DOCK5: variants seen among roughly 807,000 people sequenced by gnomAD.
DOCK5 encodes dedicator of cytokinesis protein 5.
A neutral mutation model predicts 251.8 loss-of-function variants in DOCK5; 142 were observed. The ratio of observed to expected loss-of-function variants is 0.56; its 90% confidence interval spans 0.49 to 0.65. The LOEUF is 0.65. Ranked by LOEUF, DOCK5 falls within the 30% of genes least tolerant of loss-of-function variation. The pLI is 0.00. For missense variants in DOCK5, 2,111 were observed against 2,312.3 expected, an observed-to-expected ratio of 0.91 and a Z score of 1.79; for synonymous variants, 842 against 835.5, an observed-to-expected ratio of 1.01 and a Z score of -0.13.
chr8:25,322,268 TATG>T (rs572033042), intron 16 of DOCK5, among the ~76,000 whole-genome samples: 4 of 152,198 alleles, frequency 2.6e-5, no homozygotes, highest in African/African-American at 7.2e-5. Flanking sequence ...TACGGAATAG[TATG>T]ATATGTACAT....
chr8:25,391,095 C>T (rs1013198796), intron 42 of DOCK5, among the ~76,000 whole-genome samples: 8 of 152,098 alleles, frequency 5.3e-5, no homozygotes, highest in Non-Finnish European at 4.4e-5. Context: ...GGCTGGCATG[C>T]AGTGGCACGA....
chr8:25,342,234 G>A (rs1805971175), intron 24 of DOCK5, among the ~76,000 whole-genome samples, 167 bp from the exon 25 acceptor site: 1 of 152,148 alleles, frequency 6.6e-6, no homozygotes. Context: ...TCCAGTAAGT[G>A]AGGATAAAAT....
intron 4 of DOCK5, among the ~76,000 whole-genome samples, chr8:25,277,799 A>G (rs1459271306): frequency 6.6e-6 from 1 of 152,198 alleles, no homozygotes; most frequent in Non-Finnish European, 1.5e-5. Context: ...TTCATGGGTC[A>G]CACTTATTCT....
Position 25,403,548 on chromosome 8 carries a change from A to G in DOCK5, c.4927-10A>G, listed in dbSNP as rs199791620. On this transcript the variant is annotated splice_polypyrimidine_tract_variant and intron_variant, in intron 47 of 51. Transcript: ENST00000276440. Reference sequence around the variant, plus strand: ...AGGTCCGCTAACCATGTGGAGTCATATGTTTTCAGCCACCCAACTTGACGG... The same window carrying G: ...AGGTCCGCTAACCATGTGGAGTCATGTGTTTTCAGCCACCCAACTTGACGG... The G allele has an allele frequency of 1.9e-6, 3 of 1,613,450 alleles. No homozygotes were observed. The highest frequency in any genetic ancestry group is 1.7e-5 in the Admixed American group (1 of 59,974).
At chr8:25,406,892 C>T (rs1322213824) in intron 48 of DOCK5, among the ~76,000 whole-genome samples, 1 of 152,066 alleles carries the variant, frequency 6.6e-6, no homozygotes, top group Non-Finnish European at 1.5e-5. Context: ...TCTCAAAGTG[C>T]TGGGATTACA....
In DOCK5 at chr8:25,290,087, A is replaced by G. The variant is rs1279297213; in HGVS notation, c.322-1937A>G. Among the ~76,000 whole-genome samples, 4 of 152,102 alleles carry G rather than the reference A, an allele frequency of 2.6e-5. No individual in the cohort carries two copies. In the East Asian group the frequency reaches 7.7e-4, roughly 29 times the overall value. On this transcript the variant is annotated intron_variant, in intron 5 of 51. Transcript: ENST00000276440. ...TATTATGATATAATATATGGCGTAT[A>G]TATTTACTTTCTTATTGCTGTCTTA...
At position 25,351,811 on chromosome 8, in the gene DOCK5, G is replaced by A; in HGVS notation, c.2835G>A (p.Arg945=). ...RINRTVIGMN[R]QSPHIGSFVA... is the part of the protein sequence containing the mutation. ...ACCGGACAGTGATTGGGATGAACCGGCAGTCTCCCCACATCGTGAGTATCT... is the reference window on the plus strand; with the variant it reads ...ACCGGACAGTGATTGGGATGAACCGACAGTCTCCCCACATCGTGAGTATCT... The change falls in exon 27 of 52, where the codon CGG becomes CGA. Residue 945 remains arginine, a synonymous_variant. Transcript: ENST00000276440. 6.2e-7 allele frequency: 1 copy of A among 1,613,708 alleles called. No individual in the cohort carries two copies. Among genetic ancestry groups the A allele is most frequent in the East Asian group, 2.2e-5 (1 of 44,866 alleles).
chr8:25,398,693 C>G (rs1190487972), intron 45 of DOCK5, among the ~76,000 whole-genome samples: 1 of 152,154 alleles, frequency 6.6e-6, no homozygotes, highest in Non-Finnish European at 1.5e-5. Context: ...ATAATGTTCT[C>G]CCAGTGTTTG....
At chr8:25,359,919 G>A (rs188498074) in intron 28 of DOCK5, among the ~76,000 whole-genome samples, 135 of 152,350 alleles carry the variant, frequency 8.9e-4, no homozygotes, top group Non-Finnish European at 1.3e-3. Context: ...TTAGGCCTCC[G>A]GCTGTGGCTT....
chr8:25,389,372 C>T (rs1205182269), intron 41 of DOCK5, 140 bp downstream of exon 41: 4 of 1,154,764 alleles, frequency 3.5e-6, no homozygotes, highest in Non-Finnish European at 4.8e-6. Context: ...GTTCCCATTC[C>T]ATGTAAAATC....
chr8:25,309,651 G>A (rs1013453410), intron 12 of DOCK5, among the ~76,000 whole-genome samples: 5 of 152,088 alleles, frequency 3.3e-5, no homozygotes, highest in African/African-American at 2.4e-5. Context: ...GTAGTTTTTA[G>A]TATCTCCATA....
At position 25,210,047 on chromosome 8, in the gene DOCK5, T is replaced by TATATATATAA. The variant is rs1563309199; in HGVS notation, c.43+25096_43+25097insATATATATAA. Among the ~76,000 whole-genome samples the TATATATATAA allele has an allele frequency of 8.0e-5, 2 of 25,114 alleles. 1 individual carries two copies. The highest frequency in any genetic ancestry group is 2.9e-4 in the African/African-American group (2 of 6,934). 16.5% of individuals were successfully genotyped at this position (25,114 alleles called of 152,430 possible). A position where few individuals can be genotyped will look rare whatever the true frequency, so the allele number is the denominator to read the frequency against. On this transcript the variant is annotated intron_variant, in intron 1 of 51. Transcript: ENST00000276440. ...ATATATATATATAAATGTGTGTGTG[T>TATATATATAA]GTGTGTGTGTGTGTGTGTGTGTATC...
chr8:25,217,926 A>T (rs930630019), intron 1 of DOCK5, among the ~76,000 whole-genome samples: 1 of 152,328 alleles, frequency 6.6e-6, no homozygotes, highest in East Asian at 1.9e-4. Context: ...ATTACCTTTT[A>T]TTCAAAGGGA....
intron 10 of DOCK5, 86 bp downstream of exon 10, chr8:25,302,540 A>C (rs1446199776): frequency 2.5e-5 from 35 of 1,408,250 alleles, no homozygotes; most frequent in Non-Finnish European, 3.2e-5. Context: ...TAAACATGGA[A>C]CTAGCAAATG....
In DOCK5 at chr8:25,246,908, A is replaced by G. The variant is rs371341723; in HGVS notation, c.127+3151A>G. Among the ~76,000 whole-genome samples, 7 of 151,532 alleles carry G rather than the reference A, an allele frequency of 4.6e-5. No individual in the cohort carries two copies. The South Asian group carries it at 1.5e-3, about 32-fold the overall frequency. On this transcript the variant is annotated intron_variant, in intron 2 of 51. Transcript: ENST00000276440. ...GTTTTTTGTTTTTTTTTTCTTTGAG[A>G]CAGGGCCTTGCTCTGTCACCCTAGC... is the stretch of plus-strand genomic sequence containing the variant.
chr8:25,204,164 G>A (rs1045174641), intron 1 of DOCK5, among the ~76,000 whole-genome samples: 3 of 152,130 alleles, frequency 2.0e-5, no homozygotes, highest in Non-Finnish European at 4.4e-5. Context: ...GTGTTTGGAT[G>A]AATTATAGAC....
intron 20 of DOCK5, among the ~76,000 whole-genome samples, chr8:25,333,082 A>AT (rs1805718945): frequency 1.3e-5 from 2 of 152,234 alleles, no homozygotes; most frequent in African/African-American, 4.8e-5. Context: ...TCTGAGCCTC[A>AT]TTAGGCAGAA....
rs1804155691 is a variant in DOCK5 at position 25,280,260 on chromosome 8, C to T, written c.321+1595C>T. ...GACCAGACTTGATGGCCTGGGAACC[C>T]TCCTCTTTTCTTTATGTGGCTTTGT... is the stretch of plus-strand genomic sequence containing the variant. On this transcript the variant is annotated intron_variant, in intron 5 of 51. Transcript: ENST00000276440. Among the ~76,000 whole-genome samples the T allele has an allele frequency of 2.0e-5, 3 of 152,216 alleles. No individual in the cohort carries two copies. In the South Asian group the frequency reaches 6.2e-4, roughly 32 times the overall value.
intron 34 of DOCK5, 144 bp from the exon 35 acceptor site, chr8:25,372,415 A>G (rs145492312): frequency 4.0e-6 from 3 of 743,028 alleles, no homozygotes; most frequent in South Asian, 2.4e-5. Context: ...TGTCGGCTTA[A>G]CTGTGTCACT....
Sources: gnomAD v4.1 joint callset for allele counts (sites outside exome capture counted in the v4.1 genomes callset) on GRCh38, gnomAD v4.1.1 for gene constraint, MANE v1.5 for transcripts, NCBI Gene and HGNC (gene_info 2026-07-23, HGNC 2026-07-21) for gene names.